RAP1GAP: variants seen among roughly 807,000 people sequenced by gnomAD.
RAP1GAP encodes the protein rap1 GTPase-activating protein 1.
Under a neutral mutation model 87.2 loss-of-function variants are expected in RAP1GAP, and 35 were observed. The observed-to-expected ratio is 0.40, with a 90% CI of 0.31 to 0.53. The LOEUF is 0.53. RAP1GAP is among the 20% of genes least tolerant of loss of function. RAP1GAP has a pLI of 0.48. For synonymous variants in RAP1GAP, 375 were observed against 363.9 expected, an observed-to-expected ratio of 1.03 and a Z score of -0.35; for missense variants, 734 against 898.9, an observed-to-expected ratio of 0.82 and a Z score of 2.35.
At chr1:21,650,190 T>C (rs1344033252) in intron 1 of RAP1GAP, among the ~76,000 whole-genome samples, 1 of 151,936 alleles carries the variant, frequency 6.6e-6, no homozygotes, top group East Asian at 1.9e-4. Flanking sequence ...TTGCTGGATA[T>C]CTATGGTTTA....
At chr1:21,632,007 C>T (rs1195255707) in intron 2 of RAP1GAP, among the ~76,000 whole-genome samples, 2 of 152,210 alleles carry the variant, frequency 1.3e-5, no homozygotes, top group Admixed American at 6.5e-5. Context: ...TGGACACCTG[C>T]ACGCTGCCTC....
In RAP1GAP at chr1:21,617,428, C is replaced by T; in HGVS notation, c.169G>A (p.Glu57Lys). Residue 57 changes from glutamate (E) to lysine (K), a missense_variant, in exon 7 of 25, where the codon GAG becomes AAG. Around this residue, in one of 2 missense-constraint regions of RAP1GAP, gnomAD observed 485 missense variants for 646.2 expected, o/e 0.75. Transcript: ENST00000374765. ...CTGGTGATTTCGTGGTTGGTGCCCT[C>T]AATCCAGTAGCCCCCAAACTGGGGC... Reference protein sequence around the residue: ...LLPQFGGYWIEGTNHEITSIP... With the variant: ...LLPQFGGYWIKGTNHEITSIP... 6.2e-7 allele frequency: 1 copy of T among 1,605,720 alleles called. No homozygotes were observed. The highest frequency in any genetic ancestry group is 1.7e-4 in the Middle Eastern group (1 of 6,042).
intron 2 of RAP1GAP, among the ~76,000 whole-genome samples, chr1:21,639,840 G>A (rs925793808): frequency 2.0e-5 from 3 of 152,232 alleles, no homozygotes; most frequent in Admixed American, 1.3e-4. Context: ...GGTGGTGCGA[G>A]AGGGTGTGTG....
chr1:21,639,838 G>C (rs555988125), intron 2 of RAP1GAP, among the ~76,000 whole-genome samples: 1 of 152,216 alleles, frequency 6.6e-6, no homozygotes, highest in East Asian at 1.9e-4. Context: ...CTGGTGGTGC[G>C]AGAGGGTGTG....
rs2076791027 is a variant in RAP1GAP at position 21,609,377 on chromosome 1, T to C, written c.1071+198A>G. 6.8e-6 allele frequency among the ~76,000 whole-genome samples: 1 copy of C among 146,700 alleles called. No homozygotes were observed. Among genetic ancestry groups the C allele is most frequent in the African/African-American group, 2.6e-5 (1 of 39,206 alleles). ...AAGTGTAAAACAATCGTGTAGTTTA[T>C]CCTGTGACCTTGTGAAAAAAAAAAA... is the stretch of plus-strand genomic sequence containing the variant. On this transcript the variant is annotated intron_variant, in intron 15 of 24. Transcript: ENST00000374765. This position sits in a 1 kb window ranked among gnomAD's most constrained non-coding sequence, Gnocchi z 4.4.
intron 2 of RAP1GAP, among the ~76,000 whole-genome samples, chr1:21,627,409 C>CTTTTTT (rs755209828): frequency 2.4e-5 from 3 of 125,238 alleles, no homozygotes; most frequent in Non-Finnish European, 3.4e-5. Flanking sequence ...CTCCCTTCTT[C>CTTTTTT]TTTTTTTTTT....
chr1:21,608,922 C>T lies in RAP1GAP; in HGVS notation c.1086G>A (p.Gln362=). ...PAVFRKGPEF[Q]EFLLTKLINA... Reference sequence around the variant, plus strand: ...TGATCAGCTTTGTCAGCAAAAATTCCTGGAACTCAGGCCCCTGGAAACTCC... The same window carrying T: ...TGATCAGCTTTGTCAGCAAAAATTCTTGGAACTCAGGCCCCTGGAAACTCC... Residue 362 remains glutamine, a synonymous_variant, in exon 16 of 25, where the codon CAG becomes CAA. Coordinates refer to ENST00000374765, the MANE Select transcript of RAP1GAP (RefSeq NM_002885.4). The T allele has an allele frequency of 6.2e-7, 1 of 1,614,018 alleles. No individual in the cohort carries two copies.
chr1:21,615,228 C>A lies in RAP1GAP; in HGVS notation c.292-1139G>T, dbSNP rs1257677452. Among the ~76,000 whole-genome samples, 1 of 152,190 alleles carries A rather than the reference C, an allele frequency of 6.6e-6. No individual in the cohort carries two copies. The highest frequency in any genetic ancestry group is 1.5e-5 in the Non-Finnish European group (1 of 68,024). The stretch of plus-strand genomic sequence containing the variant: ...CGGGCTCAGGGTCCCAGGAAGTCAA[C>A]GCCCAAAGTCATCCTAACCTCCCCT... On this transcript the variant is annotated intron_variant, in intron 7 of 24. Transcript: ENST00000374765. The surrounding 1 kb of genome is among the most constrained non-coding windows in gnomAD (Gnocchi z 4.5).
At chr1:21,658,665 T>C (rs556859190) in intron 1 of RAP1GAP, among the ~76,000 whole-genome samples, 133 of 152,242 alleles carry the variant, frequency 8.7e-4, no homozygotes, top group African/African-American at 3.1e-3. Flanking sequence ...GAGGACTGCT[T>C]AAGCCCAGAA....
Position 21,610,164 on chromosome 1 carries a change from C to T in RAP1GAP, c.955G>A (p.Val319Met), listed in dbSNP as rs536090388. The stretch of plus-strand genomic sequence containing the variant: ...GGGCCCCCGCCCTCAGCCTGCACCA[C>T]GACGTAGGCATGCAGGAAGTTGGAC... Reference protein sequence around the residue: ...IASNFLHAYVVVQAEGGGPDG... With the variant: ...IASNFLHAYVMVQAEGGGPDG... The change falls in exon 14 of 25, where the codon GTG (valine) becomes ATG (methionine). Residue 319 changes from valine to methionine, a missense_variant. This residue lies in a region of RAP1GAP where 485 missense variants were observed against 646.2 expected (regional missense o/e 0.75). Transcript: ENST00000374765. 8 of 1,614,016 alleles carry T rather than the reference C, an allele frequency of 5.0e-6. No homozygotes were observed. Among genetic ancestry groups the T allele is most frequent in the Non-Finnish European group, 5.9e-6 (7 of 1,180,028 alleles).
Position 21,598,453 on chromosome 1 carries a change from T to C in RAP1GAP, c.1826A>G (p.Tyr609Cys), listed in dbSNP as rs147394161. The C allele has an allele frequency of 0.011, 17,464 of 1,613,890 alleles. 141 individuals carry two copies. The highest frequency in any genetic ancestry group is 0.012 in the Non-Finnish European group (14,738 of 1,179,862). Residue 609 changes from tyrosine (Y) to cysteine (C), a missense_variant, in exon 22 of 25, where the codon TAT becomes TGT. Coordinates refer to ENST00000374765, the MANE Select transcript of RAP1GAP (RefSeq NM_002885.4). ...GTPHKRDSFI[Y>C]STWLEDSVST... is the part of the protein sequence containing the mutation. ...GACACTGTCCTCCAGCCACGTGCTA[T>C]AGATGAAGGAGTCCCGCTTGTGGGG...
chr1:21,653,299 G>A (rs1048628803), intron 1 of RAP1GAP: 1 of 152,238 alleles, frequency 6.6e-6, no homozygotes, highest in African/African-American at 2.4e-5. Context: ...GAGCCCTCAA[G>A]AGCCCCTTGC....
At chr1:21,628,400 T>TA (rs528098037) in intron 2 of RAP1GAP, among the ~76,000 whole-genome samples, 674 of 52,390 alleles carry the variant, frequency 0.013, 54 homozygotes, top group African/African-American at 0.018. Context: ...CCATCTCTAC[T>TA]AAAAAAAAAA....
rs1217233454 is a variant in RAP1GAP, at chr1:21,636,914, A to AAGGG, written c.-112-10521_-112-10518dup. On this transcript the variant is annotated intron_variant, in intron 2 of 24. Transcript: ENST00000374765. ...GAAGGAAGGAAGGAGGGAAGGAAGG[A>AAGGG]AGGGAGGGAGGGAGGGAGGGAGGGA... Among the ~76,000 whole-genome samples, 753 of 102,466 alleles carry AAGGG rather than the reference A, an allele frequency of 7.3e-3. 16 individuals are homozygous for AAGGG. Among genetic ancestry groups the AAGGG allele is most frequent in the Admixed American group, 0.04 (338 of 8,364 alleles). The allele number at this position is 102,466 out of a possible 152,430, so 67.2% of individuals were successfully genotyped here.
intron 1 of RAP1GAP, among the ~76,000 whole-genome samples, chr1:21,661,564 C>T: frequency 6.6e-6 from 1 of 152,210 alleles, no homozygotes; most frequent in Admixed American, 6.5e-5. Flanking sequence ...TGGCTTGTGA[C>T]TTTGGTCCAT....
rs1276699539 is a variant in RAP1GAP, at chr1:21,613,439, G to C, written c.474+189C>G. 6.6e-6 allele frequency among the ~76,000 whole-genome samples: 1 copy of C among 152,168 alleles called. No individual in the cohort carries two copies. The highest frequency in any genetic ancestry group is 1.9e-4 in the East Asian group (1 of 5,172). On this transcript the variant is annotated intron_variant, in intron 9 of 24. Coordinates refer to ENST00000374765, the MANE Select transcript of RAP1GAP (RefSeq NM_002885.4). The surrounding 1 kb of genome is among the most constrained non-coding windows in gnomAD (Gnocchi z 4.7). Reference sequence around the variant, plus strand: ...AGAAAACCAAAAGCACACAGGCAGGGGACGGGGGCCTAGGAGAACACGTGG... The same window carrying C: ...AGAAAACCAAAAGCACACAGGCAGGCGACGGGGGCCTAGGAGAACACGTGG...
chr1:21,660,352 T>TATATATA (rs1248298305), intron 1 of RAP1GAP, among the ~76,000 whole-genome samples: 11 of 85,918 alleles, frequency 1.3e-4, no homozygotes, highest in Non-Finnish European at 2.4e-4. Context: ...TATATATTTA[T>TATATATA]TGAGACAGTC....
chr1:21,601,666 C>A lies in RAP1GAP; in HGVS notation c.1652+18G>T, dbSNP rs747542677. ...ACCACTCCCAAGCCCCCAAGCCCCACGTGCCCTGAGCCCCAACCTGTTCTT... is the reference window on the plus strand; with the variant it reads ...ACCACTCCCAAGCCCCCAAGCCCCAAGTGCCCTGAGCCCCAACCTGTTCTT... On this transcript the variant is annotated intron_variant, in intron 20 of 24. Transcript: ENST00000374765. 6.4e-7 allele frequency: 1 copy of A among 1,573,962 alleles called. No homozygotes were observed. The highest frequency in any genetic ancestry group is 2.3e-5 in the East Asian group (1 of 44,296).
chr1:21,649,595 A>T (rs1270041987), intron 2 of RAP1GAP, among the ~76,000 whole-genome samples, 166 bp downstream of exon 2: 2 of 152,182 alleles, frequency 1.3e-5, no homozygotes, highest in East Asian at 3.9e-4. Flanking sequence ...TCTCTAAAAA[A>T]GTACTCTGGG....
Sources: allele counts gnomAD v4.1 joint callset (sites outside exome capture counted in the v4.1 genomes callset), GRCh38; gene constraint gnomAD v4.1.1; regional missense constraint gnomAD v4.1.1; non-coding constraint Gnocchi (gnomAD v3.1); transcripts MANE v1.5; gene names NCBI Gene and HGNC (gene_info 2026-07-23, HGNC 2026-07-21).